LY6S: variants seen among roughly 807,000 people sequenced by gnomAD.
LY6S encodes the protein lymphocyte antigen 6 family member S.
the LY6S span, among the ~76,000 whole-genome samples, chr8:143,064,954 T>C: frequency 2.0e-5 from 3 of 152,118 alleles, no homozygotes; most frequent in African/African-American, 7.2e-5. Flanking sequence ...CCAGGTGAGA[T>C]GGTGTGCAGC....
chr8:143,073,433 C>T, the LY6S span, among the ~76,000 whole-genome samples: 1 of 142,830 alleles, frequency 7.0e-6, no homozygotes, highest in Admixed American at 6.9e-5. Flanking sequence ...CCGTCGTCCT[C>T]GGGGTTCCTG....
the LY6S span, among the ~76,000 whole-genome samples, chr8:143,067,605 G>C: frequency 1.3e-5 from 2 of 152,200 alleles, no homozygotes; most frequent in Non-Finnish European, 2.9e-5. Context: ...GCGAGGACCC[G>C]CGTCGGCGCT....
the LY6S span, among the ~76,000 whole-genome samples, chr8:143,049,491 G>A: frequency 5.5e-4 from 84 of 152,214 alleles, no homozygotes; most frequent in Admixed American, 1.4e-3. Context: ...AACGGAACCC[G>A]GCTTTATGCA....
the LY6S span, among the ~76,000 whole-genome samples, chr8:143,070,485 A>ATTTTT: frequency 2.1e-4 from 18 of 84,802 alleles, no homozygotes; most frequent in African/African-American, 1.3e-3. Context: ...AAATATATAT[A>ATTTTT]TATATTTTTT....
chr8:143,052,717 G>A, the LY6S span, among the ~76,000 whole-genome samples: 1 of 152,170 alleles, frequency 6.6e-6, no homozygotes, highest in Admixed American at 6.5e-5. Flanking sequence ...TCCTCGTGGA[G>A]GCCGCAATCC....
the LY6S span, among the ~76,000 whole-genome samples, chr8:143,072,689 G>T: frequency 2.4e-5 from 3 of 125,148 alleles, no homozygotes; most frequent in African/African-American, 1.0e-4. Context: ...CGTCCCCGGG[G>T]TCCCTGTTTG....
the LY6S span, among the ~76,000 whole-genome samples, chr8:143,050,305 C>T: frequency 3.4e-4 from 52 of 151,764 alleles, 1 homozygote; most frequent in South Asian, 1.9e-3. Context: ...CTCAGCCTCC[C>T]GAGTAGCTGG....
At chr8:143,056,332 T>C in the LY6S span, among the ~76,000 whole-genome samples, 1 of 151,440 alleles carries the variant, frequency 6.6e-6, no homozygotes, top group Non-Finnish European at 1.5e-5. Context: ...CAAGGACTTA[T>C]GATGTCAATT....
chr8:143,060,251 A>G, the LY6S span, among the ~76,000 whole-genome samples: 11 of 152,174 alleles, frequency 7.2e-5, no homozygotes, highest in Non-Finnish European at 1.5e-4. Context: ...TCCCTGAGGA[A>G]GTTAGAGAAG....
At chr8:143,070,389 ATT>A in the LY6S span, among the ~76,000 whole-genome samples, 4 of 125,092 alleles carry the variant, frequency 3.2e-5, no homozygotes, top group African/African-American at 1.3e-4. Context: ...ATATATATAT[ATT>A]TATATATATT....
the LY6S span, chr8:143,054,015 A>G: frequency 2.6e-5 from 4 of 152,182 alleles, no homozygotes; most frequent in Admixed American, 2.6e-4. Context: ...TATTAAAGAT[A>G]ACTACACCTG....
chr8:143,066,039 A>G, the LY6S span: 2 of 387,484 alleles, frequency 5.2e-6, no homozygotes, highest in South Asian at 2.2e-5. Flanking sequence ...TGCACAACCT[A>G]CACAAGAAAG....
At chr8:143,070,431 T>C in the LY6S span, among the ~76,000 whole-genome samples, 1 of 99,432 alleles carries the variant, frequency 1.0e-5, no homozygotes, top group Non-Finnish European at 1.8e-5. Flanking sequence ...TTTATATATA[T>C]ATTATATATA....
At chr8:143,070,442 TATTGTATA>T in the LY6S span, among the ~76,000 whole-genome samples, 2 of 74,772 alleles carry the variant, frequency 2.7e-5, no homozygotes, top group African/African-American at 1.8e-4. Context: ...ATTATATATA[TATTGTATA>T]TATATATATA....
chr8:143,043,376 C>A, the LY6S span: 1 of 625,084 alleles, frequency 1.6e-6, no homozygotes, highest in Non-Finnish European at 2.4e-6. Flanking sequence ...CAGGGCCCTG[C>A]CCCGGGGCCT....
At chr8:143,049,288 C>T in the LY6S span, 10 of 534,570 alleles carry the variant, frequency 1.9e-5, no homozygotes, top group Non-Finnish European at 1.9e-5. Context: ...ATTGGAACAC[C>T]TTTCGGCTAG....
At chr8:143,066,831 A>G in the LY6S span, among the ~76,000 whole-genome samples, 29 of 152,152 alleles carry the variant, frequency 1.9e-4, no homozygotes, top group African/African-American at 6.3e-4. Flanking sequence ...GGAACTACTG[A>G]GAAGGGACGA....
At chr8:143,047,008 A>C in the LY6S span, among the ~76,000 whole-genome samples, 1 of 152,256 alleles carries the variant, frequency 6.6e-6, no homozygotes, top group African/African-American at 2.4e-5. Flanking sequence ...TCTCAAAACA[A>C]AAATAAATGA....
chr8:143,049,293 G>A, the LY6S span: 24 of 534,468 alleles, frequency 4.5e-5, no homozygotes, highest in African/African-American at 2.9e-4. Flanking sequence ...AACACCTTTC[G>A]GCTAGGTGAG....
Sources: gnomAD v4.1 joint callset for allele counts (sites outside exome capture counted in the v4.1 genomes callset) on GRCh38, gnomAD v4.1.1 for gene constraint, MANE v1.5 for transcripts, NCBI Gene and HGNC (gene_info 2026-07-23, HGNC 2026-07-21) for gene names.